LRRC74B: variants seen among roughly 807,000 people sequenced by gnomAD.
LRRC74B encodes the protein leucine rich repeat containing 74B.
LRRC74B carries 30 observed loss-of-function variants against 16.6 expected under a neutral mutation model. That is an observed-to-expected ratio of 1.80 (90% confidence interval 1.35 to 2.45). LRRC74B has a LOEUF of 2.45. LRRC74B is among the 30% of genes most tolerant of loss of function. The pLI, the probability that LRRC74B is intolerant of heterozygous loss-of-function variation, is 0.00. For missense variants in LRRC74B, 326 were observed against 202.4 expected (o/e 1.61, Z -3.71); for synonymous variants, 134 against 86.0 (o/e 1.56, Z -3.09).
At chr22:21,053,891 G>A (rs191611255) in intron 6 of LRRC74B, 70 of 156,822 alleles carry the variant, frequency 4.5e-4, no homozygotes, top group Non-Finnish European at 6.0e-4. Context: ...TTACAGTCAT[G>A]GGGAGTTCAT....
downstream of LRRC74B, among the ~76,000 whole-genome samples, chr22:21,061,336 C>T (rs1352312230): frequency 6.6e-6 from 1 of 152,134 alleles, no homozygotes; most frequent in Non-Finnish European, 1.5e-5. Flanking sequence ...AAAAAGATGC[C>T]CATGGAAATG....
intron 5 of LRRC74B, among the ~76,000 whole-genome samples, chr22:21,053,052 G>A (rs1024717610): frequency 7.2e-5 from 11 of 152,164 alleles, no homozygotes; most frequent in African/African-American, 2.7e-4. Context: ...TGTGGAGTCC[G>A]ATCAATGTTT....
At chr22:21,051,780 C>T (rs1015671491) in intron 4 of LRRC74B, among the ~76,000 whole-genome samples, 2 of 152,238 alleles carry the variant, frequency 1.3e-5, no homozygotes, top group Non-Finnish European at 1.5e-5. Flanking sequence ...CTTCCCCCTC[C>T]CCAGGCCCAG....
Position 21,053,460 on chromosome 22 carries a change from AG to A in LRRC74B, c.835del (p.Glu279AsnfsTer4). The A allele has an allele frequency of 1.4e-6, 1 of 717,194 alleles. No homozygotes were observed. The highest frequency in any genetic ancestry group is 1.5e-5 in the South Asian group (1 of 67,508). 44.4% of individuals were successfully genotyped at this position (717,194 alleles called of 1,614,324 possible). On this transcript the variant is annotated frameshift_variant, in exon 6 of 9. Transcript: ENST00000442047. LOFTEE classifies it high-confidence loss of function. Reference sequence around the variant, plus strand: ...GCTCTGAAGGCCAACAACGTGTTGGAGGAACTCAACATGAGGTGAGGATCCC... The same window carrying A: ...GCTCTGAAGGCCAACAACGTGTTGGAGAACTCAACATGAGGTGAGGATCCC...
intron 4 of LRRC74B, among the ~76,000 whole-genome samples, chr22:21,050,650 C>T (rs1601811201): frequency 6.6e-6 from 1 of 151,618 alleles, no homozygotes; most frequent in South Asian, 2.1e-4. Context: ...TGGTGGCAGG[C>T]GCCTGTAGTC....
Position 21,051,276 on chromosome 22 carries a change from A to G in LRRC74B, c.623-973A>G, listed in dbSNP as rs189875136. 1.9e-3 allele frequency among the ~76,000 whole-genome samples: 289 copies of G among 152,238 alleles called. 2 individuals are homozygous for G. Among genetic ancestry groups the G allele is most frequent in the Admixed American group, 4.5e-3 (69 of 15,304 alleles). On this transcript the variant is annotated intron_variant, in intron 4 of 8. Coordinates refer to ENST00000442047, the Ensembl canonical transcript of LRRC74B. The stretch of plus-strand genomic sequence containing the variant: ...TGCAGGCGCTTTCTTGTGTGTATAA[A>G]TGTTCGCTTTGGTGTTCCTGTGAGG...
intron 8 of LRRC74B, 73 bp from the exon 9 acceptor site, chr22:21,060,300 G>T (rs1930747896): frequency 1.6e-6 from 1 of 636,246 alleles, no homozygotes; most frequent in African/African-American, 1.8e-5. Flanking sequence ...CTGAGACCTT[G>T]CGTGTGTGAG....
chr22:21,054,279 A>G (rs919228423), intron 6 of LRRC74B, among the ~76,000 whole-genome samples: 4 of 152,232 alleles, frequency 2.6e-5, no homozygotes, highest in African/African-American at 7.2e-5. Flanking sequence ...CTGCATTGCA[A>G]CAGAGCGAGT....
At chr22:21,046,017 G>A in exon 1 of LRRC74B, 1 of 717,518 alleles carries the variant, frequency 1.4e-6, no homozygotes, top group Non-Finnish European at 2.6e-6. Flanking sequence ...GTCTGGGGAG[G>A]ATGAAGAGCA....
rs545131635 is a variant in LRRC74B at position 21,057,214 on chromosome 22, A to G, written c.1023+14A>G. On this transcript the variant is annotated intron_variant, in intron 8 of 8. Transcript: ENST00000442047. ...CTGGATTTCTCAGTAAGAGCATTTT[A>G]TAAACCTCGTTTCTGATCCTCCCAG... 7.0e-6 allele frequency: 5 copies of G among 716,886 alleles called. No individual in the cohort carries two copies. Among genetic ancestry groups the G allele is most frequent in the African/African-American group, 1.7e-5 (1 of 57,340 alleles). The allele number at this position is 716,886 out of a possible 1,614,324, so 44.4% of individuals were successfully genotyped here. A position where few individuals can be genotyped will look rare whatever the true frequency, so the allele number is the denominator to read the frequency against.
downstream of LRRC74B, among the ~76,000 whole-genome samples, chr22:21,061,314 G>C (rs1267321501): frequency 3.3e-5 from 5 of 150,074 alleles, no homozygotes. Flanking sequence ...GCAAAACTCT[G>C]TCTCAAAAAA....
intron 7 of LRRC74B, 26 bp downstream of exon 7, chr22:21,055,202 CACCAGCACAG>C (rs1422817264): frequency 1.4e-6 from 1 of 711,814 alleles, no homozygotes; most frequent in African/African-American, 1.7e-5. Context: ...ATGACTGAGA[CACCAGCACAG>C]ACCTGCCCTG....
exon 1 of LRRC74B, chr22:21,046,008 T>C (rs1313981821): frequency 1.4e-6 from 1 of 717,298 alleles, no homozygotes; most frequent in Non-Finnish European, 2.6e-6. Context: ...CTGTGAGAGG[T>C]CTGGGGAGGA....
At chr22:21,064,073 G>A (rs911391550), downstream of LRRC74B, 15 of 149,688 alleles carry the variant, frequency 1.0e-4, no homozygotes, top group Admixed American at 3.3e-4. Context: ...ATCCATGCCC[G>A]GGGGCAATTG....
chr22:21,060,030 G>A (rs1930731968), intron 8 of LRRC74B, among the ~76,000 whole-genome samples: 1 of 151,954 alleles, frequency 6.6e-6, no homozygotes, highest in Non-Finnish European at 1.5e-5. Flanking sequence ...GCCGGGCATG[G>A]TGGTGGGCAC....
exon 3 of LRRC74B, chr22:21,047,994 G>T: frequency 1.4e-6 from 1 of 717,290 alleles, no homozygotes; most frequent in South Asian, 1.5e-5. Context: ...CAGGTGCCCT[G>T]AGCAAAAGCA....
downstream of LRRC74B, chr22:21,061,716 A>C (rs1424300802): frequency 6.6e-6 from 1 of 152,218 alleles, no homozygotes; most frequent in Non-Finnish European, 1.5e-5. Context: ...CATTATTTCC[A>C]TTCCTAGGTA....
intron 8 of LRRC74B, among the ~76,000 whole-genome samples, 171 bp downstream of exon 8, chr22:21,057,371 C>T (rs893367845): frequency 2.6e-5 from 4 of 152,218 alleles, no homozygotes; most frequent in Non-Finnish European, 5.9e-5. Context: ...GGCCACTCAG[C>T]TCTGCCCGCT....
intron 4 of LRRC74B, 32 bp from the exon 5 acceptor site, chr22:21,052,217 G>A (rs988021251): frequency 8.4e-6 from 6 of 717,206 alleles, no homozygotes; most frequent in Non-Finnish European, 1.6e-5. Flanking sequence ...TGAAGAGAGT[G>A]AGTCAGAAGG....
Sources: gnomAD v4.1 joint callset for allele counts (sites outside exome capture counted in the v4.1 genomes callset) on GRCh38, gnomAD v4.1.1 for gene constraint, MANE v1.5 for transcripts, NCBI Gene and HGNC (gene_info 2026-07-23, HGNC 2026-07-21) for gene names.